Variants in RICTOR observed in about 807,000 individuals in gnomAD.
RICTOR encodes RPTOR independent companion of MTOR complex 2.
A neutral mutation model predicts 214.9 loss-of-function variants in RICTOR; 49 were observed. That is an observed-to-expected ratio of 0.23 (90% CI 0.18 to 0.29). The LOEUF is 0.29. RICTOR is among the 10% of genes least tolerant of loss of function. The pLI is 1.00. For synonymous variants in RICTOR, 717 were observed against 711.3 expected, an observed-to-expected ratio of 1.01 and a Z score of -0.13; for missense variants, 1,625 against 2,047.0, an observed-to-expected ratio of 0.79 and a Z score of 3.98.
intron 2 of RICTOR, among the ~76,000 whole-genome samples, chr5:39,034,744 G>A (rs1321363060): frequency 2.0e-5 from 3 of 152,250 alleles, no homozygotes; most frequent in African/African-American, 7.2e-5. Context: ...AGATCAAACT[G>A]CAAGGCAGCA....
intron 5 of RICTOR, among the ~76,000 whole-genome samples, chr5:39,001,352 AG>A (rs2150102626): frequency 6.6e-6 from 1 of 152,236 alleles, no homozygotes; most frequent in South Asian, 2.1e-4. Context: ...TTTCAATAAA[AG>A]GTGCTAATTT....
At chr5:39,021,167 A>C (rs746512090) in intron 2 of RICTOR, 31 bp from the exon 3 acceptor site, 1 of 1,126,778 alleles carries the variant, frequency 8.9e-7, no homozygotes, top group South Asian at 1.2e-5. Context: ...ATTTAACACA[A>C]TTTTATGAGT....
At chr5:39,061,939 T>C (rs1451174334) in intron 2 of RICTOR, among the ~76,000 whole-genome samples, 5 of 151,922 alleles carry the variant, frequency 3.3e-5, no homozygotes, top group Non-Finnish European at 2.9e-5. Context: ...AGAAAGACAA[T>C]GTTAAGGTTT....
intron 3 of RICTOR, among the ~76,000 whole-genome samples, chr5:39,015,210 T>C (rs1316937173): frequency 6.6e-6 from 1 of 152,152 alleles, no homozygotes; most frequent in African/African-American, 2.4e-5. Context: ...TCATAATTAT[T>C]TTTCTTATTT....
intron 2 of RICTOR, among the ~76,000 whole-genome samples, chr5:39,053,545 G>A (rs1757987183): frequency 6.6e-6 from 1 of 152,138 alleles, no homozygotes. Context: ...ACAGTGCCTA[G>A]CACAAAAATA....
intron 2 of RICTOR, among the ~76,000 whole-genome samples, chr5:39,043,572 CTGTAT>C (rs1251796494): frequency 6.6e-6 from 1 of 152,116 alleles, no homozygotes; most frequent in East Asian, 1.9e-4. Flanking sequence ...ATTAACAGTA[CTGTAT>C]TGTATATTTC....
chr5:39,004,218 G>A (rs115525101), intron 3 of RICTOR, among the ~76,000 whole-genome samples: 1,946 of 151,908 alleles, frequency 0.013, 42 homozygotes, highest in African/African-American at 0.045. Context: ...CTGTTGACTT[G>A]TTCTGTTAGT....
rs1329319514 is a variant in RICTOR, at chr5:38,950,420, T to C, written c.3428A>G (p.His1143Arg). The stretch of plus-strand genomic sequence containing the variant: ...GGATATGGGTGTAAAATCATCACTA[T>C]GATTAAAATCAACACTGGGCTCCGT... ...TLTEPSVDFNHSDDFTPISTV... is the reference protein window; with the variant it reads ...TLTEPSVDFNRSDDFTPISTV... The change falls in exon 31 of 38, where the codon CAT becomes CGT. Residue 1143 changes from histidine (H) to arginine (R), a missense_variant. His to Arg is a conservative substitution (Grantham distance 29, BLOSUM62 0). Around this residue, in one of 5 missense-constraint regions of RICTOR, gnomAD observed 1,214 missense variants for 1,470.5 expected, o/e 0.83. Transcript: ENST00000357387. 1.2e-6 allele frequency: 2 copies of C among 1,613,466 alleles called. No individual in the cohort carries two copies. The highest frequency in any genetic ancestry group is 2.2e-5 in the East Asian group (1 of 44,882).
intron 3 of RICTOR, among the ~76,000 whole-genome samples, chr5:39,005,999 T>A (rs868019290): frequency 8.5e-5 from 13 of 152,222 alleles, no homozygotes; most frequent in Admixed American, 7.2e-4. Context: ...GCCCCAGGAT[T>A]AAACAACTGA....
In RICTOR at chr5:39,002,169, C is replaced by CAA. The variant is rs70982532; in HGVS notation, c.392+364_392+365dup. On this transcript the variant is annotated intron_variant, in intron 5 of 37. Coordinates refer to ENST00000357387, the MANE Select transcript of RICTOR (RefSeq NM_152756.5). ...ATTTATAAAATGAAATGTTACACAG[C>CAA]AAAAAAAAAAAAAAAAAAAATCAAC... Among the ~76,000 whole-genome samples, 457 of 122,496 alleles carry CAA rather than the reference C, an allele frequency of 3.7e-3. 5 individuals carry two copies. The highest frequency in any genetic ancestry group is 0.014 in the African/African-American group (437 of 31,810). The allele number at this position is 122,496 out of a possible 152,430, so 80.4% of individuals were successfully genotyped here.
intron 2 of RICTOR, among the ~76,000 whole-genome samples, chr5:39,061,300 C>A (rs1319829329): frequency 6.6e-6 from 1 of 151,988 alleles, no homozygotes; most frequent in Admixed American, 6.6e-5. Flanking sequence ...GTTATTTTTT[C>A]ATTAGATTTT....
At chr5:38,997,150 G>A (rs1178104789) in intron 5 of RICTOR, among the ~76,000 whole-genome samples, 2 of 151,886 alleles carry the variant, frequency 1.3e-5, no homozygotes, top group East Asian at 3.8e-4. Context: ...TATTCATAAA[G>A]AAAGAATAAT....
intron 2 of RICTOR, among the ~76,000 whole-genome samples, chr5:39,047,921 T>G (rs1757603411): frequency 6.6e-6 from 1 of 152,234 alleles, no homozygotes; most frequent in Admixed American, 6.5e-5. Context: ...TAGTGAAGTA[T>G]AAATTTAGAT....
intron 10 of RICTOR, among the ~76,000 whole-genome samples, chr5:38,972,856 C>A: frequency 6.9e-6 from 1 of 144,120 alleles, no homozygotes; most frequent in Admixed American, 7.0e-5. Flanking sequence ...ATAGTCAAAT[C>A]TAGTAACAGA....
intron 2 of RICTOR, among the ~76,000 whole-genome samples, chr5:39,056,840 G>A (rs1274932257): frequency 2.6e-5 from 4 of 152,068 alleles, no homozygotes; most frequent in Non-Finnish European, 5.9e-5. Context: ...TTGGGTCAAA[G>A]AAAATATGAT....
At position 38,940,782 on chromosome 5, in the gene RICTOR, T is replaced by C; in HGVS notation, c.*1522A>G. On this transcript the variant is annotated 3_prime_UTR_variant, in exon 38 of 38. Transcript: ENST00000357387. Reference sequence around the variant, plus strand: ...CCAGTAAATAAATTTTTTAAAAAAGTATCTCTGTGAGTTATGTTTTCTAGT... The same window carrying C: ...CCAGTAAATAAATTTTTTAAAAAAGCATCTCTGTGAGTTATGTTTTCTAGT... The C allele has an allele frequency of 4.3e-6, 1 of 232,148 alleles. No individual in the cohort carries two copies. Among genetic ancestry groups the C allele is most frequent in the Non-Finnish European group, 8.5e-6 (1 of 117,320 alleles). The allele number at this position is 232,148 out of a possible 1,614,324, so 14.4% of individuals were successfully genotyped here.
intron 9 of RICTOR, among the ~76,000 whole-genome samples, chr5:38,975,978 CTG>C (rs1439776249): frequency 6.6e-6 from 1 of 152,312 alleles, no homozygotes; most frequent in Admixed American, 6.5e-5. Flanking sequence ...ATCACACACA[CTG>C]TTTACTTCAC....
At chr5:38,983,673 T>C (rs1197004954) in intron 7 of RICTOR, among the ~76,000 whole-genome samples, 1 of 152,258 alleles carries the variant, frequency 6.6e-6, no homozygotes, top group Middle Eastern at 3.4e-3. Flanking sequence ...ATAAGAAATT[T>C]GTAGGTTTGG....
chr5:38,984,617 G>A (rs559364308), intron 7 of RICTOR, among the ~76,000 whole-genome samples: 35 of 151,572 alleles, frequency 2.3e-4, no homozygotes, highest in African/African-American at 8.2e-4. Flanking sequence ...CAAGTATTGT[G>A]GTCTTTTTAA....
Sources: gnomAD v4.1 joint callset for allele counts (sites outside exome capture counted in the v4.1 genomes callset) on GRCh38, gnomAD v4.1.1 for gene constraint, gnomAD v4.1.1 regional missense constraint, MANE v1.5 for transcripts, NCBI Gene and HGNC (gene_info 2026-07-23, HGNC 2026-07-21) for gene names.